The following FLACC1 variants were observed in gnomAD, a reference collection of about 807,000 sequenced individuals.
FLACC1 encodes the protein flagellum-associated coiled-coil domain-containing protein 1.
In FLACC1, 66 loss-of-function variants were observed where a neutral mutation model predicts 62.8. The observed-to-expected ratio is 1.05, with a 90% CI of 0.86 to 1.29. The LOEUF is 1.29. Ranked by LOEUF, FLACC1 falls within the 50% of genes most tolerant of loss-of-function variation. The pLI, the probability that FLACC1 is intolerant of heterozygous loss-of-function variation, is 0.00. For missense variants in FLACC1, 452 were observed against 489.1 expected, an observed-to-expected ratio of 0.92 and a Z score of 0.71; for synonymous variants, 156 against 161.0, an observed-to-expected ratio of 0.97 and a Z score of 0.24.
chr2:201,307,439 A>G, intron 11 of FLACC1, 80 bp downstream of exon 11: 1 of 1,025,514 alleles, frequency 9.8e-7, no homozygotes, highest in Non-Finnish European at 1.5e-6. Flanking sequence ...AGATCACCTA[A>G]TTATGGAGGC....
the FLACC1 span, among the ~76,000 whole-genome samples, chr2:201,363,137 A>G: frequency 6.6e-6 from 1 of 152,166 alleles, no homozygotes; most frequent in African/African-American, 2.4e-5. Context: ...CTGGACCAGC[A>G]GCCTGAGCTG....
intron 11 of FLACC1, among the ~76,000 whole-genome samples, chr2:201,303,357 A>G (rs1559390153): frequency 1.3e-5 from 2 of 152,200 alleles, no homozygotes; most frequent in Admixed American, 6.5e-5. Flanking sequence ...CTGGACACAT[A>G]CACCCTCCCA....
At chr2:201,347,354 C>A (rs545020248) in intron 4 of FLACC1, among the ~76,000 whole-genome samples, 12 of 152,328 alleles carry the variant, frequency 7.9e-5, no homozygotes, top group African/African-American at 2.9e-4. Context: ...TCTCCACACC[C>A]CTGCCTGACG....
At chr2:201,338,449 C>G (rs571511600) in intron 7 of FLACC1, among the ~76,000 whole-genome samples, 1 of 151,874 alleles carries the variant, frequency 6.6e-6, no homozygotes, top group Non-Finnish European at 1.5e-5. Flanking sequence ...TGAATAGGAG[C>G]GGTAAAAGTA....
chr2:201,333,114 T>G (rs921953306), intron 7 of FLACC1, among the ~76,000 whole-genome samples: 2 of 152,206 alleles, frequency 1.3e-5, no homozygotes, highest in Non-Finnish European at 2.9e-5. Flanking sequence ...TATTTTTAGT[T>G]TTTTGAGCAA....
chr2:201,342,322 AC>A lies in FLACC1; in HGVS notation c.524+47del, dbSNP rs548321397. On this transcript the variant is annotated intron_variant, in intron 7 of 14. Transcript: ENST00000392257. ...ACTAAAATCCTGCAAAGGATGCGGG[AC>A]CCTTAGAGCCATCAACACACACAAG... 4.8e-5 allele frequency: 77 copies of A among 1,594,972 alleles called. No individual in the cohort carries two copies. In the African/African-American group the frequency reaches 6.6e-4, roughly 14 times the overall value.
In FLACC1 at chr2:201,348,912, G is replaced by A. The variant is rs531435047; in HGVS notation, c.186-610C>T. ...CATCACTCCAACCTCTGCTTCTGTT[G>A]TCACAGCTCCTTCTCTGACTCTGAC... On this transcript the variant is annotated intron_variant, in intron 3 of 14. Coordinates refer to ENST00000392257, the MANE Select transcript of FLACC1 (RefSeq NM_001127391.3). Among the ~76,000 whole-genome samples the A allele has an allele frequency of 2.0e-3, 302 of 152,162 alleles. 1 individual carries two copies. The highest frequency in any genetic ancestry group is 2.5e-3 in the Non-Finnish European group (167 of 67,980).
At chr2:201,291,172 A>G (rs1949725953) in intron 12 of FLACC1, among the ~76,000 whole-genome samples, 1 of 152,188 alleles carries the variant, frequency 6.6e-6, no homozygotes, top group Non-Finnish European at 1.5e-5. Context: ...CAGCTTGAAG[A>G]GAGTAATGGT....
intron 11 of FLACC1, among the ~76,000 whole-genome samples, chr2:201,305,883 A>G (rs1050919968): frequency 6.7e-6 from 1 of 148,566 alleles, no homozygotes; most frequent in Admixed American, 6.7e-5. Flanking sequence ...GAAATGAACA[A>G]TGAGAACACT....
intron 7 of FLACC1, among the ~76,000 whole-genome samples, chr2:201,331,192 A>C (rs1006325923): frequency 6.6e-6 from 1 of 151,906 alleles, no homozygotes; most frequent in Non-Finnish European, 1.5e-5. Context: ...TGGTTTCAAA[A>C]TACTCCTGGA....
At chr2:201,332,431 A>C (rs935377911) in intron 7 of FLACC1, among the ~76,000 whole-genome samples, 1 of 152,068 alleles carries the variant, frequency 6.6e-6, no homozygotes, top group Non-Finnish European at 1.5e-5. Context: ...GTATTTTTGC[A>C]GAGATGGGTT....
chr2:201,335,697 T>C (rs1559412008), intron 7 of FLACC1, among the ~76,000 whole-genome samples: 1 of 152,192 alleles, frequency 6.6e-6, no homozygotes, highest in South Asian at 2.1e-4. Context: ...TTATTTGTTC[T>C]ATTTTTGTGA....
At chr2:201,348,126 C>T (rs1576476500) in intron 4 of FLACC1, 128 bp downstream of exon 4, 18 of 903,238 alleles carry the variant, frequency 2.0e-5, no homozygotes, top group Non-Finnish European at 2.8e-5. Context: ...GCAATATTAA[C>T]AGCACCTCCT....
At chr2:201,349,395 C>T (rs1240292238) in intron 3 of FLACC1, among the ~76,000 whole-genome samples, 3 of 152,212 alleles carry the variant, frequency 2.0e-5, no homozygotes, top group Admixed American at 6.5e-5. Flanking sequence ...GTATCCCCAC[C>T]GTCACAGCCC....
chr2:201,300,128 C>T (rs1480730077), intron 11 of FLACC1, among the ~76,000 whole-genome samples: 7 of 152,140 alleles, frequency 4.6e-5, no homozygotes, highest in African/African-American at 1.2e-4. Flanking sequence ...GGTGGGGCAC[C>T]GCCTCACCTG....
In FLACC1 at chr2:201,338,003, G is replaced by A. The variant is rs146198195; in HGVS notation, c.524+4367C>T. Among the ~76,000 whole-genome samples, 813 of 152,216 alleles carry A rather than the reference G, an allele frequency of 5.3e-3. 9 individuals carry two copies. The highest frequency in any genetic ancestry group is 0.019 in the African/African-American group (770 of 41,540). ...CATTGGGCAGCATGGCCATTTTGGCGATCTTAATTCTTCCAGTCCATAAGC... is the reference window on the plus strand; with the variant it reads ...CATTGGGCAGCATGGCCATTTTGGCAATCTTAATTCTTCCAGTCCATAAGC... On this transcript the variant is annotated intron_variant, in intron 7 of 14. Transcript: ENST00000392257.
At chr2:201,348,334 C>T in intron 3 of FLACC1, 32 bp from the exon 4 acceptor site, 1 of 1,607,724 alleles carries the variant, frequency 6.2e-7, no homozygotes, top group South Asian at 1.1e-5. Flanking sequence ...AGAAAGCAAC[C>T]AGACAGCAAA....
chr2:201,315,317 T>C (rs965432493), intron 9 of FLACC1, among the ~76,000 whole-genome samples: 12 of 152,236 alleles, frequency 7.9e-5, no homozygotes, highest in African/African-American at 2.6e-4. Context: ...TTGACTCACC[T>C]AACACATAAG....
chr2:201,344,410 G>T, intron 5 of FLACC1, 147 bp from the exon 6 acceptor site: 1 of 698,186 alleles, frequency 1.4e-6, no homozygotes, highest in African/African-American at 1.8e-5. Context: ...TATGGGGTGG[G>T]GGTGGAGGGA....
Sources: gnomAD v4.1 joint callset for allele counts (sites outside exome capture counted in the v4.1 genomes callset) on GRCh38, gnomAD v4.1.1 for gene constraint, MANE v1.5 for transcripts, NCBI Gene and HGNC (gene_info 2026-07-23, HGNC 2026-07-21) for gene names.